The following PALLD variants were observed in gnomAD, a reference collection of about 807,000 sequenced individuals.
PALLD encodes the protein palladin, cytoskeletal associated protein, also known as palladin.
A neutral mutation model predicts 123.5 loss-of-function variants in PALLD; 61 were observed. The ratio of observed to expected loss-of-function variants is 0.49; its 90% CI spans 0.40 to 0.61. The LOEUF (loss-of-function observed/expected upper bound fraction) is 0.61. Ranked by LOEUF, PALLD falls within the 20% of genes least tolerant of loss-of-function variation. The pLI is 0.00. For synonymous variants in PALLD, 465 were observed against 496.4 expected (o/e 0.94, Z 0.84); for missense variants, 1,273 against 1,377.0 (o/e 0.92, Z 1.20).
chr4:168,691,816 G>A (rs1054767404), intron 8 of PALLD, among the ~76,000 whole-genome samples: 1 of 152,096 alleles, frequency 6.6e-6, no homozygotes, highest in African/African-American at 2.4e-5. Flanking sequence ...CTTGCCCCCA[G>A]ATCACTCTTA....
chr4:168,833,033 G>A (rs1353686925), intron 10 of PALLD: 1 of 152,376 alleles, frequency 6.6e-6, no homozygotes. Flanking sequence ...CCGGGCCTGG[G>A]TGAGCTCCCA....
At chr4:168,889,166 G>GTGTGT (rs567772815) in intron 10 of PALLD, among the ~76,000 whole-genome samples, 4 of 137,918 alleles carry the variant, frequency 2.9e-5, no homozygotes, top group Non-Finnish European at 6.2e-5. Flanking sequence ...GTGTGTGTGT[G>GTGTGT]GTTTTTTTTT....
intron 16 of PALLD, among the ~76,000 whole-genome samples, chr4:168,915,325 G>A (rs538965247): frequency 6.6e-6 from 1 of 152,272 alleles, no homozygotes; most frequent in Non-Finnish European, 1.5e-5. Context: ...CTTTAAAAGT[G>A]ACAGAGATGC....
At chr4:168,772,669 C>T (rs1367125832) in intron 10 of PALLD, among the ~76,000 whole-genome samples, 2 of 152,150 alleles carry the variant, frequency 1.3e-5, no homozygotes, top group Non-Finnish European at 2.9e-5. Flanking sequence ...CATAAATGTG[C>T]CTGACACTGT....
chr4:168,891,259 C>T (rs1050138355), intron 11 of PALLD, among the ~76,000 whole-genome samples: 1 of 152,144 alleles, frequency 6.6e-6, no homozygotes, highest in Non-Finnish European at 1.5e-5. Flanking sequence ...ACCTCCCAGG[C>T]TCAAACAATC....
intron 10 of PALLD, among the ~76,000 whole-genome samples, chr4:168,835,185 G>A (rs766380616): frequency 3.9e-4 from 59 of 152,018 alleles, no homozygotes; most frequent in Non-Finnish European, 7.4e-4. Flanking sequence ...GTATCAAAAC[G>A]TATGGCACTT....
chr4:168,530,243 A>G (rs1395610419), intron 2 of PALLD, among the ~76,000 whole-genome samples: 1 of 152,218 alleles, frequency 6.6e-6, no homozygotes. Context: ...CAACCTTCTC[A>G]TTAAACAAAA....
At chr4:168,538,405 G>A (rs1041449546) in intron 2 of PALLD, among the ~76,000 whole-genome samples, 5 of 151,596 alleles carry the variant, frequency 3.3e-5, no homozygotes, top group South Asian at 2.1e-4. Context: ...AATTCCTACA[G>A]TCATGACATT....
chr4:168,670,811 T>C (rs77313141), intron 3 of PALLD, among the ~76,000 whole-genome samples: 44,896 of 120,860 alleles, frequency 0.37, 9,331 homozygotes, highest in African/African-American at 0.49. Flanking sequence ...AAAAGCTGGG[T>C]GCAATGGCTC....
At chr4:168,573,362 T>A (rs1387048297) in intron 2 of PALLD, among the ~76,000 whole-genome samples, 2 of 152,082 alleles carry the variant, frequency 1.3e-5, no homozygotes, top group Non-Finnish European at 2.9e-5. Context: ...TTTATTTACC[T>A]GCTTATGTGT....
intron 10 of PALLD, among the ~76,000 whole-genome samples, chr4:168,816,349 T>C (rs772335601): frequency 1.3e-5 from 2 of 150,768 alleles, no homozygotes; most frequent in Non-Finnish European, 3.0e-5. Flanking sequence ...CTTTGTGTTA[T>C]TGGCACATCT....
At chr4:168,745,977 T>G (rs2150364183) in intron 10 of PALLD, among the ~76,000 whole-genome samples, 1 of 152,272 alleles carries the variant, frequency 6.6e-6, no homozygotes, top group East Asian at 1.9e-4. Context: ...CCCCTCAAAT[T>G]TATTCATTAA....
intron 2 of PALLD, among the ~76,000 whole-genome samples, chr4:168,581,387 C>T (rs2149653111): frequency 6.6e-6 from 1 of 152,052 alleles, no homozygotes; most frequent in Admixed American, 6.6e-5. Context: ...CAAGGGTTTG[C>T]TTTTCTTCAC....
At chr4:168,530,512 T>G (rs1469876741) in intron 2 of PALLD, 4 of 152,208 alleles carry the variant, frequency 2.6e-5, no homozygotes, top group Non-Finnish European at 4.4e-5. Context: ...CCCTCGCCAA[T>G]TTTATGGTTT....
intron 4 of PALLD, among the ~76,000 whole-genome samples, chr4:168,681,997 G>GA (rs1781597468): frequency 6.6e-6 from 1 of 152,134 alleles, no homozygotes; most frequent in Non-Finnish European, 1.5e-5. Flanking sequence ...CACATTAAGA[G>GA]AAAATCAATT....
chr4:168,883,513 T>C (rs978985804), intron 10 of PALLD, among the ~76,000 whole-genome samples: 1 of 152,222 alleles, frequency 6.6e-6, no homozygotes, highest in Non-Finnish European at 1.5e-5. Context: ...TTAATCAATA[T>C]TGTGCTCTGG....
At chr4:168,712,737 G>C (rs549310799) in intron 10 of PALLD, among the ~76,000 whole-genome samples, 1 of 152,214 alleles carries the variant, frequency 6.6e-6, no homozygotes, top group African/African-American at 2.4e-5. Context: ...ATTCTATGAG[G>C]TCACATTCCC....
intron 1 of PALLD, among the ~76,000 whole-genome samples, chr4:168,507,142 A>G (rs920424611): frequency 6.6e-6 from 1 of 152,182 alleles, no homozygotes; most frequent in African/African-American, 2.4e-5. Context: ...AAAAGGCTCA[A>G]ATCAAAATCA....
At chr4:168,633,391 T>A (rs1776028009) in intron 2 of PALLD, among the ~76,000 whole-genome samples, 1 of 152,192 alleles carries the variant, frequency 6.6e-6, no homozygotes, top group Admixed American at 6.5e-5. Flanking sequence ...TCCTTGGGTG[T>A]CTGATGGAAA....
Sources: allele counts gnomAD v4.1 joint callset (sites outside exome capture counted in the v4.1 genomes callset), GRCh38; gene constraint gnomAD v4.1.1; transcripts MANE v1.5; gene names NCBI Gene and HGNC (gene_info 2026-07-23, HGNC 2026-07-21).